Variants in DNASE1 observed in about 807,000 individuals in gnomAD.
DNASE1 encodes the protein deoxyribonuclease-1.
In DNASE1, 40 loss-of-function variants were observed where a neutral mutation model predicts 33.9. That is an observed-to-expected ratio of 1.18 (90% CI 0.92 to 1.54). The LOEUF is 1.54. DNASE1 is among the 40% of genes most tolerant of loss of function. The pLI is 0.00. For missense variants in DNASE1, 518 were observed against 372.6 expected, an observed-to-expected ratio of 1.39 and a Z score of -3.21; for synonymous variants, 216 against 160.0, an observed-to-expected ratio of 1.35 and a Z score of -2.64.
chr16:3,627,950 A>G (rs935103178), intron 1 of DNASE1, among the ~76,000 whole-genome samples: 1 of 151,760 alleles, frequency 6.6e-6, no homozygotes, highest in Admixed American at 6.6e-5. Flanking sequence ...AAAAAAAAAA[A>G]AAAAAAAAAA....
chr16:3,658,099 G>A, downstream of DNASE1: 1 of 1,610,620 alleles, frequency 6.2e-7, no homozygotes, highest in Non-Finnish European at 8.5e-7. Context: ...GCTGTCATCT[G>A]TGGTGTCAGT....
At chr16:3,640,226 T>C (rs187019061), upstream of DNASE1, among the ~76,000 whole-genome samples, 16 of 152,334 alleles carry the variant, frequency 1.1e-4, no homozygotes, top group East Asian at 2.7e-3. Flanking sequence ...CCTTCTCATA[T>C]AGTTTTTCTC....
At chr16:3,646,297 C>T (rs952911112) in intron 1 of DNASE1, among the ~76,000 whole-genome samples, 13 of 152,132 alleles carry the variant, frequency 8.5e-5, no homozygotes, top group African/African-American at 2.4e-4. Context: ...GGCTGTGGAG[C>T]GCCTCCTCTG....
chr16:3,663,366 G>C, exon 10 of DNASE1: 2 of 1,605,510 alleles, frequency 1.2e-6, no homozygotes, highest in Non-Finnish European at 8.5e-7. Flanking sequence ...CTGCGGGGCA[G>C]GAGAGGCGTG....
At chr16:3,642,992 G>T (rs1376853467) in exon 1 of DNASE1, 2 of 153,126 alleles carry the variant, frequency 1.3e-5, no homozygotes, top group East Asian at 3.8e-4. Flanking sequence ...CAGCTTGAAG[G>T]CCTGGAGAGC....
At chr16:3,612,693 G>T (rs779870724) in intron 1 of DNASE1, among the ~76,000 whole-genome samples, 3 of 152,054 alleles carry the variant, frequency 2.0e-5, no homozygotes, top group Non-Finnish European at 4.4e-5. Flanking sequence ...ACAGGCGTGA[G>T]CCACCACGCC....
chr16:3,641,576 TC>T (rs1174683233), upstream of DNASE1, among the ~76,000 whole-genome samples: 8 of 152,162 alleles, frequency 5.3e-5, no homozygotes, highest in Non-Finnish European at 8.8e-5. Flanking sequence ...TATGACTCCT[TC>T]CCTGTGAAAT....
downstream of DNASE1, chr16:3,661,764 G>T: frequency 2.2e-6 from 1 of 446,724 alleles, no homozygotes; most frequent in Non-Finnish European, 3.8e-6. Context: ...GTCACAGGCT[G>T]GGATGTGGCT....
chr16:3,656,606 G>T, intron 4 of DNASE1, 32 bp from the exon 5 acceptor site: 1 of 1,574,322 alleles, frequency 6.4e-7, no homozygotes, highest in East Asian at 2.3e-5. Flanking sequence ...TTCCAGCCTG[G>T]GGTCACCTCC....
At chr16:3,656,935 G>A in intron 5 of DNASE1, 64 bp from the exon 6 acceptor site, 1 of 1,584,566 alleles carries the variant, frequency 6.3e-7, no homozygotes, top group Non-Finnish European at 8.6e-7. Flanking sequence ...CATAGTTCCA[G>A]CTGACATGGT....
downstream of DNASE1, chr16:3,661,894 T>A: frequency 2.7e-6 from 4 of 1,458,464 alleles, no homozygotes; most frequent in Non-Finnish European, 3.6e-6. Flanking sequence ...CCTCACGCAC[T>A]TTTCTTCTGT....
exon 10 of DNASE1, chr16:3,664,854 A>G (rs2050792220): frequency 5.4e-6 from 1 of 186,370 alleles, no homozygotes; most frequent in South Asian, 9.9e-5. Flanking sequence ...GGCCCTCCTC[A>G]CAGCTGGCTA....
At chr16:3,624,843 C>T (rs2041452766) in intron 1 of DNASE1, among the ~76,000 whole-genome samples, 1 of 152,088 alleles carries the variant, frequency 6.6e-6, no homozygotes, top group Non-Finnish European at 1.5e-5. Context: ...TTTCTTCCAG[C>T]ACACCTGGCT....
At chr16:3,643,289 G>C (rs1236846230) in intron 1 of DNASE1, among the ~76,000 whole-genome samples, 1 of 152,264 alleles carries the variant, frequency 6.6e-6, no homozygotes, top group Non-Finnish European at 1.5e-5. Flanking sequence ...CTAGCCATTT[G>C]CTGATGAAGC....
chr16:3,654,993 C>G lies in DNASE1; in HGVS notation c.-53C>G. 1 of 480,908 alleles carries G rather than the reference C, an allele frequency of 2.1e-6. No individual in the cohort carries two copies. Among genetic ancestry groups the G allele is most frequent in the Non-Finnish European group, 3.6e-6 (1 of 274,750 alleles). 29.8% of individuals were successfully genotyped at this position (480,908 alleles called of 1,614,324 possible). ...AGAAAATTGTCATCAAAGGATATTC[C>G]AGATTCTTGACAGCATTCTCGTCAT... On this transcript the variant is annotated 5_prime_UTR_variant, in exon 1 of 9. Transcript: ENST00000246949.
In DNASE1 at chr16:3,657,969, A is replaced by C. The variant is rs761875553; in HGVS notation, c.*16A>C. The stretch of plus-strand genomic sequence containing the variant: ...GCTGAAGTGAGCAGCCCCTCCCCAC[A>C]CCAGTTGAACTGCAGGAAGAGAGGA... On this transcript the variant is annotated 3_prime_UTR_variant, in exon 9 of 9. Coordinates refer to ENST00000246949, the MANE Select transcript of DNASE1 (RefSeq NM_005223.4). 6.2e-7 allele frequency: 1 copy of C among 1,613,712 alleles called. No individual in the cohort carries two copies. The highest frequency in any genetic ancestry group is 2.2e-5 in the East Asian group (1 of 44,866).
At chr16:3,651,995 C>T (rs2042350663), upstream of DNASE1, 1 of 152,398 alleles carries the variant, frequency 6.6e-6, no homozygotes, top group Non-Finnish European at 1.5e-5. Context: ...CAACAGTGAT[C>T]CCAGACGGGC....
intron 1 of DNASE1, among the ~76,000 whole-genome samples, chr16:3,620,224 G>A (rs1020449267): frequency 6.6e-6 from 1 of 152,086 alleles, no homozygotes; most frequent in African/African-American, 2.4e-5. Flanking sequence ...CCTGTGTATG[G>A]CTTTTCTTTT....
intron 1 of DNASE1, among the ~76,000 whole-genome samples, chr16:3,628,651 C>T (rs1027592749): frequency 3.3e-5 from 5 of 151,262 alleles, no homozygotes; most frequent in Non-Finnish European, 7.4e-5. Flanking sequence ...CTCCGCCTCC[C>T]GGGTTCACGC....
Sources: gnomAD v4.1 joint callset for allele counts (sites outside exome capture counted in the v4.1 genomes callset) on GRCh38, gnomAD v4.1.1 for gene constraint, MANE v1.5 for transcripts, NCBI Gene and HGNC (gene_info 2026-07-23, HGNC 2026-07-21) for gene names.